NINL: variants seen among roughly 807,000 people sequenced by gnomAD.
NINL encodes the protein ninein like.
In NINL, 153 loss-of-function variants were observed where a neutral mutation model predicts 160.3. That is an observed-to-expected ratio of 0.95 (90% CI 0.84 to 1.09). NINL has a LOEUF of 1.09. Among genes scored for constraint, NINL ranks in the 50% least tolerant of loss-of-function variants. NINL has a pLI of 0.00. For synonymous variants in NINL, 800 were observed against 734.8 expected (o/e 1.09, Z -1.43); for missense variants, 1,829 against 1,764.0 (o/e 1.04, Z -0.66).
chr20:25,560,942 A>T (rs763551031), intron 1 of NINL, among the ~76,000 whole-genome samples: 9 of 151,784 alleles, frequency 5.9e-5, no homozygotes, highest in Non-Finnish European at 1.2e-4. Flanking sequence ...AAGAAATGCT[A>T]AACAAAGTTC....
chr20:25,479,724 A>G (rs1020397276), intron 15 of NINL, among the ~76,000 whole-genome samples: 2 of 152,210 alleles, frequency 1.3e-5, no homozygotes, highest in Non-Finnish European at 2.9e-5. Flanking sequence ...ACCACAGTCT[A>G]GGAACAGAAC....
At chr20:25,552,907 G>A (rs1348342413) in intron 1 of NINL, among the ~76,000 whole-genome samples, 1 of 152,222 alleles carries the variant, frequency 6.6e-6, no homozygotes, top group African/African-American at 2.4e-5. Context: ...TGGAGAATCA[G>A]GGTCTGGCTA....
intron 13 of NINL, among the ~76,000 whole-genome samples, chr20:25,484,361 C>T (rs1433217583): frequency 6.6e-6 from 1 of 152,114 alleles, no homozygotes; most frequent in Non-Finnish European, 1.5e-5. Context: ...GAGCAGCATG[C>T]CAGGCACCCA....
intron 1 of NINL, among the ~76,000 whole-genome samples, chr20:25,581,092 T>G (rs73111300): frequency 0.078 from 11,827 of 152,202 alleles, 491 homozygotes; most frequent in Non-Finnish European, 0.1. Flanking sequence ...TGCTTCCAAA[T>G]CTGTCTTGTG....
intron 17 of NINL, among the ~76,000 whole-genome samples, chr20:25,472,979 C>T (rs1202180963): frequency 2.0e-5 from 3 of 152,170 alleles, no homozygotes; most frequent in African/African-American, 7.2e-5. Flanking sequence ...AAATGCCCAT[C>T]AACAGGAGAA....
intron 19 of NINL, 198 bp from the exon 20 acceptor site, chr20:25,462,739 T>C (rs1344271810): frequency 1.2e-5 from 6 of 498,978 alleles, no homozygotes; most frequent in Non-Finnish European, 2.1e-5. Flanking sequence ...ACTGCAGCCG[T>C]GACCTCCTAG....
chr20:25,503,793 G>A (rs377312983), intron 7 of NINL, among the ~76,000 whole-genome samples, 159 bp downstream of exon 7: 3 of 152,182 alleles, frequency 2.0e-5, no homozygotes, highest in Non-Finnish European at 4.4e-5. Flanking sequence ...CAGAATCTAC[G>A]TCACGTGGCC....
chr20:25,542,010 C>T (rs932147380), intron 1 of NINL, among the ~76,000 whole-genome samples: 15 of 152,196 alleles, frequency 9.9e-5, no homozygotes, highest in African/African-American at 3.6e-4. Flanking sequence ...TCCTTATGGG[C>T]CTGCTACCAT....
At chr20:25,556,123 A>G (rs925245300) in intron 1 of NINL, among the ~76,000 whole-genome samples, 5 of 152,164 alleles carry the variant, frequency 3.3e-5, no homozygotes, top group African/African-American at 1.2e-4. Context: ...TTCTACCAAA[A>G]AGCAAAAAAT....
chr20:25,556,093 C>T (rs2064863302), intron 1 of NINL, among the ~76,000 whole-genome samples: 1 of 152,048 alleles, frequency 6.6e-6, no homozygotes, highest in Admixed American at 6.5e-5. Flanking sequence ...CCACCCTGGG[C>T]AAACATAGTG....
At chr20:25,503,108 A>G (rs1341288990) in intron 7 of NINL, among the ~76,000 whole-genome samples, 2 of 152,090 alleles carry the variant, frequency 1.3e-5, no homozygotes, top group African/African-American at 2.4e-5. Context: ...GCACCTGAGC[A>G]GCATGTTCCT....
At position 25,479,002 on chromosome 20, in the gene NINL, G is replaced by T. The variant is rs758844377; in HGVS notation, c.2122C>A (p.Gln708Lys). 5.6e-6 allele frequency: 9 copies of T among 1,607,548 alleles called. No individual in the cohort carries two copies. The highest frequency in any genetic ancestry group is 3.3e-5 in the South Asian group (3 of 91,010). Residue 708 changes from glutamine to lysine, a missense_variant, in exon 16 of 24, where the codon CAG (glutamine) becomes AAG (lysine). Physicochemically the swap from Gln to Lys is moderately conservative, Grantham distance 53. Transcript: ENST00000278886. The stretch of plus-strand genomic sequence containing the variant: ...GTGCAGCAGGGTGCCAGGCCCATCT[G>T]CTCAGGCTCGGGGCCGCGGGCTGTG... ...QDTARGPEPEQMGLAPCCTQA... is the reference protein window; with the variant it reads ...QDTARGPEPEKMGLAPCCTQA...
intron 10 of NINL, among the ~76,000 whole-genome samples, chr20:25,494,202 C>T (rs1437352855): frequency 6.6e-6 from 1 of 151,284 alleles, no homozygotes; most frequent in Non-Finnish European, 1.5e-5. Context: ...AGCAACCCCA[C>T]TCAGCACCCC....
chr20:25,489,923 C>G lies in NINL; in HGVS notation c.1548G>C (p.Arg516Ser), dbSNP rs537027238. 5.1e-5 allele frequency: 83 copies of G among 1,614,212 alleles called. 1 individual carries two copies. The East Asian group carries it at 7.4e-4, about 14-fold the overall frequency. The stretch of plus-strand genomic sequence containing the variant: ...GGTCCTTCTGCAGCTTCAGGGCCAG[C>G]CTCTCCGAATCCGAAAGCTTTTCCA... ...EVVEKLSDSE[R>S]LALKLQKDLE... Residue 516 changes from arginine (R) to serine (S), a missense_variant, in exon 12 of 24, where the codon AGG becomes AGC. By Grantham distance (110) the Arg-to-Ser change is moderately radical. Coordinates refer to ENST00000278886, the MANE Select transcript of NINL (RefSeq NM_025176.6).
At chr20:25,507,618 T>A (rs1473259789) in intron 5 of NINL, among the ~76,000 whole-genome samples, 2 of 152,218 alleles carry the variant, frequency 1.3e-5, no homozygotes, top group Non-Finnish European at 2.9e-5. Context: ...TTCAGCAGTC[T>A]GGATCCTTCA....
intron 1 of NINL, among the ~76,000 whole-genome samples, chr20:25,558,639 T>C (rs549435549): frequency 6.6e-6 from 1 of 152,362 alleles, no homozygotes; most frequent in South Asian, 2.1e-4. Context: ...TGAAGACTCA[T>C]TCAAATACAT....
At chr20:25,458,556 G>C in intron 21 of NINL, 27 bp from the exon 22 acceptor site, 1 of 1,546,086 alleles carries the variant, frequency 6.5e-7, no homozygotes, top group Non-Finnish European at 8.7e-7. Flanking sequence ...AGACAGCTCT[G>C]GTGGGGCTGC....
intron 11 of NINL, 100 bp downstream of exon 11, chr20:25,491,251 A>C (rs1442923870): frequency 7.2e-7 from 1 of 1,380,988 alleles, no homozygotes; most frequent in African/African-American, 1.4e-5. Context: ...GCTTGAGGGC[A>C]CTGGCAGGTG....
intron 19 of NINL, among the ~76,000 whole-genome samples, chr20:25,464,237 C>T (rs1370544017): frequency 2.0e-5 from 3 of 152,122 alleles, no homozygotes; most frequent in South Asian, 2.1e-4. Flanking sequence ...GCCAACATGG[C>T]GAAACCCCAT....
Sources: allele counts gnomAD v4.1 joint callset (sites outside exome capture counted in the v4.1 genomes callset), GRCh38; gene constraint gnomAD v4.1.1; transcripts MANE v1.5; gene names NCBI Gene and HGNC (gene_info 2026-07-23, HGNC 2026-07-21).